NAT9: variants seen among roughly 807,000 people sequenced by gnomAD.
NAT9 encodes N-acetyltransferase 9.
Under a neutral mutation model 24.0 loss-of-function variants are expected in NAT9, and 18 were observed. That is an observed-to-expected ratio of 0.75 (90% CI 0.52 to 1.11). The LOEUF (loss-of-function observed/expected upper bound fraction) is 1.11, where lower values mean the gene tolerates loss of function less well. Ranked by LOEUF, NAT9 falls within the 50% of genes most tolerant of loss-of-function variation. The pLI, the probability that NAT9 is intolerant of heterozygous loss-of-function variation, is 0.00. For missense variants in NAT9, 254 were observed against 258.6 expected (o/e 0.98, Z 0.12); for synonymous variants, 104 against 102.3 (o/e 1.02, Z -0.10).
rs1234937968 is a variant in NAT9 at position 74,774,597 on chromosome 17, C to A, written c.78-909G>T. 3.5e-5 allele frequency among the ~76,000 whole-genome samples: 5 copies of A among 144,540 alleles called. No homozygotes were observed. In the Admixed American group the frequency reaches 3.6e-4, roughly 10 times the overall value. 94.8% of individuals were successfully genotyped at this position (144,540 alleles called of 152,430 possible). ...ACGGAGTCTCGATCTGTCACCCAGG[C>A]TGGAGTGCAGTGGCGCGATCTCGGC... On this transcript the variant is annotated intron_variant, in intron 2 of 6. Transcript: ENST00000357814.
Position 74,770,816 on chromosome 17 carries a change from T to G in NAT9, c.*908A>C, listed in dbSNP as rs2035125392. On this transcript the variant is annotated 3_prime_UTR_variant, in exon 7 of 7. Transcript: ENST00000357814. Reference sequence around the variant, plus strand: ...TAGGAGTCAGAGTGCTCCCCTCAGGTGGAAGGAAACTGGGCCAACTCTACT... The same window carrying G: ...TAGGAGTCAGAGTGCTCCCCTCAGGGGGAAGGAAACTGGGCCAACTCTACT... 1 of 152,008 alleles carries G rather than the reference T, an allele frequency of 6.6e-6. No individual in the cohort carries two copies. Among genetic ancestry groups the G allele is most frequent in the African/African-American group, 2.4e-5 (1 of 41,358 alleles). The allele number at this position is 152,008 out of a possible 1,614,324, so 9.4% of individuals were successfully genotyped here.
In NAT9 at chr17:74,772,384, A is replaced by G. The variant is rs753610901; in HGVS notation, c.335-107T>C. On this transcript the variant is annotated intron_variant, in intron 4 of 6. Coordinates refer to ENST00000357814, the MANE Select transcript of NAT9 (RefSeq NM_015654.5). ...TCTCAACAACTCTGAAGTTGCTACT[A>G]TCATTACCATTCTGCAGACGAGGAA... 25 of 1,487,182 alleles carry G rather than the reference A, an allele frequency of 1.7e-5. 1 individual carries two copies. In the African/African-American group the frequency reaches 3.3e-4, roughly 20 times the overall value. 92.1% of individuals were successfully genotyped at this position (1,487,182 alleles called of 1,614,324 possible).
In NAT9 at chr17:74,772,897, T is replaced by G. The variant is rs2035424308; in HGVS notation, c.333A>C (p.Ala111=). The G allele has an allele frequency of 6.2e-7, 1 of 1,614,016 alleles. No individual in the cohort carries two copies. The highest frequency in any genetic ancestry group is 8.5e-7 in the Non-Finnish European group (1 of 1,179,986). ...AAGGCAGGGCTAGGTGAAACAAACC[T>G]GCAATCATGACCTCGATCTCCCCCA... ...LTLGEIEVMI[A]EPSCRGKGLG... Residue 111 remains alanine (A), a splice_region_variant and synonymous_variant, in exon 4 of 7, where the codon GCA becomes GCC. Transcript: ENST00000357814.
intron 2 of NAT9, among the ~76,000 whole-genome samples, chr17:74,775,101 C>T (rs193280497): frequency 2.1e-5 from 3 of 142,410 alleles, no homozygotes; most frequent in Admixed American, 6.9e-5. Context: ...ATGATCCACC[C>T]GCCTCAGCCT....
intron 3 of NAT9, chr17:74,773,342 T>C: frequency 6.8e-6 from 4 of 592,302 alleles, no homozygotes; most frequent in Non-Finnish European, 1.2e-5. Context: ...GAGCCCCAAA[T>C]GCTCTACTTT....
chr17:74,772,045 G>A lies in NAT9; in HGVS notation c.404C>T (p.Thr135Met), dbSNP rs558132963. The change falls in exon 6 of 7, where the codon ACG becomes ATG. Residue 135 changes from threonine to methionine, a missense_variant. Thr to Met is a moderately conservative substitution (Grantham distance 81). Coordinates refer to ENST00000357814, the MANE Select transcript of NAT9 (RefSeq NM_015654.5). ...VLAMLSYGVT[T>M]LGLTKFEAKI... is the part of the protein sequence containing the mutation. ...AGCCTCAAACTTGGTCAGACCTAGC[G>A]TGGTCACTCCTCGCAGAGGAGATGA... is the stretch of plus-strand genomic sequence containing the variant. 114 of 1,614,186 alleles carry A rather than the reference G, an allele frequency of 7.1e-5. 1 individual carries two copies. In the Middle Eastern group the frequency reaches 1.8e-3, roughly 26 times the overall value.
rs2035921016 is a variant in NAT9 at position 74,775,520 on chromosome 17, A to G, written c.77+102T>C. The G allele has an allele frequency of 2.1e-5, 21 of 1,019,100 alleles. No individual in the cohort carries two copies. In the South Asian group the frequency reaches 3.8e-4, roughly 18 times the overall value. The allele number at this position is 1,019,100 out of a possible 1,614,324, so 63.1% of individuals were successfully genotyped here. A position where few individuals can be genotyped will look rare whatever the true frequency, so the allele number is the denominator to read the frequency against. The stretch of plus-strand genomic sequence containing the variant: ...CCCCCCTCATATATAATTATTTCTC[A>G]CAACCAATGTTTCTTCTTAGGGGAA... On this transcript the variant is annotated intron_variant, in intron 2 of 6. Transcript: ENST00000357814.
At position 74,770,878 on chromosome 17, in the gene NAT9, T is replaced by A. The variant is rs1453754961; in HGVS notation, c.*846A>T. On this transcript the variant is annotated 3_prime_UTR_variant, in exon 7 of 7. Transcript: ENST00000357814. ...AGGGTGCCAGGTAGCCCGGCCACCC[T>A]GAGCCTGTGCCTCCACTGCCCCCGC... 6.6e-6 allele frequency: 1 copy of A among 152,298 alleles called. No homozygotes were observed. Among genetic ancestry groups the A allele is most frequent in the African/African-American group, 2.4e-5 (1 of 41,448 alleles). The allele number at this position is 152,298 out of a possible 1,614,324, so 9.4% of individuals were successfully genotyped here.
intron 4 of NAT9, 88 bp from the exon 5 acceptor site, chr17:74,772,365 C>G: frequency 6.5e-7 from 1 of 1,541,064 alleles, no homozygotes; most frequent in Non-Finnish European, 8.8e-7. Context: ...TAATTCTCAA[C>G]AACTCTGAAG....
Position 74,775,725 on chromosome 17 carries a change from G to A in NAT9, c.-9-18C>T, listed in dbSNP as rs889326719. ...GTAGCAGCCTGCATGCAGATGGGGA[G>A]AGCAAAGACTTCAGGACCCTGAATT... On this transcript the variant is annotated intron_variant, in intron 1 of 6. Transcript: ENST00000357814. 7 of 1,610,214 alleles carry A rather than the reference G, an allele frequency of 4.3e-6. No homozygotes were observed. The highest frequency in any genetic ancestry group is 5.9e-6 in the Non-Finnish European group (7 of 1,176,760).
In NAT9 at chr17:74,775,754, T is replaced by A. The variant is rs149441096; in HGVS notation, c.-9-47A>T. The A allele has an allele frequency of 1.9e-5, 30 of 1,562,848 alleles. No individual in the cohort carries two copies. In the East Asian group the frequency reaches 4.5e-4, roughly 23 times the overall value. On this transcript the variant is annotated intron_variant, in intron 1 of 6. Transcript: ENST00000357814. ...AAAGACTTCAGGACCCTGAATTTCC[T>A]CCAACTTTGGGTAGGCGCTCCAGCT...
Position 74,771,691 on chromosome 17 carries a change from TCA to T in NAT9, c.*31_*32del, listed in dbSNP as rs763557066. The T allele has an allele frequency of 1.9e-4, 300 of 1,612,468 alleles. 1 individual carries two copies. The highest frequency in any genetic ancestry group is 2.3e-4 in the Non-Finnish European group (275 of 1,179,880). On this transcript the variant is annotated 3_prime_UTR_variant, in exon 7 of 7. Coordinates refer to ENST00000357814, the MANE Select transcript of NAT9 (RefSeq NM_015654.5). The stretch of plus-strand genomic sequence containing the variant: ...GAAGTGTATGGGCCCAACACCCTGC[TCA>T]CACAGAGTGGCTGCCCACAAGGCCC...
Position 74,772,968 on chromosome 17 carries a change from C to G in NAT9, c.262G>C (p.Val88Leu). 1.2e-6 allele frequency: 2 copies of G among 1,614,188 alleles called. No individual in the cohort carries two copies. Among genetic ancestry groups the G allele is most frequent in the Non-Finnish European group, 1.7e-6 (2 of 1,180,024 alleles). Residue 88 changes from valine (V) to leucine (L), a missense_variant, in exon 4 of 7, where the codon GTG becomes CTG. Coordinates refer to ENST00000357814, the MANE Select transcript of NAT9 (RefSeq NM_015654.5). ...QPGATEESCM[V>L]GDVNLFLTDL... ...GTGAGGAAGAGGTTCACATCTCCCACCATGCAGCTCTCTTCGGTGGCGCCT... is the reference window on the plus strand; with the variant it reads ...GTGAGGAAGAGGTTCACATCTCCCAGCATGCAGCTCTCTTCGGTGGCGCCT...
In NAT9 at chr17:74,772,886, T is replaced by C; in HGVS notation, c.334+10A>G. On this transcript the variant is annotated intron_variant, in intron 4 of 6. Coordinates refer to ENST00000357814, the MANE Select transcript of NAT9 (RefSeq NM_015654.5). ...GGAGTCAGCGGAAGGCAGGGCTAGG[T>C]GAAACAAACCTGCAATCATGACCTC... 1.2e-6 allele frequency: 2 copies of C among 1,613,834 alleles called. No homozygotes were observed. The highest frequency in any genetic ancestry group is 1.7e-6 in the Non-Finnish European group (2 of 1,179,956).
Position 74,771,435 on chromosome 17 carries a change from C to T in NAT9, c.*289G>A. 1 of 499,268 alleles carries T rather than the reference C, an allele frequency of 2.0e-6. No individual in the cohort carries two copies. 30.9% of individuals were successfully genotyped at this position (499,268 alleles called of 1,614,324 possible). Reference sequence around the variant, plus strand: ...GTCCCCCTGCACCTCCAGCTCCCACCTTCATCCCGACATCTCCCATGGATC... The same window carrying T: ...GTCCCCCTGCACCTCCAGCTCCCACTTTCATCCCGACATCTCCCATGGATC... On this transcript the variant is annotated 3_prime_UTR_variant, in exon 7 of 7. Transcript: ENST00000357814.
rs945084419 is a variant in NAT9 at position 74,772,804 on chromosome 17, CTG to C, written c.334+90_334+91del. Reference sequence around the variant, plus strand: ...ACCACATGGAGCCTCCCAGTGAACCCTGTGAGTGCCCACCCTTTGCAGCCTCG... The same window carrying C: ...ACCACATGGAGCCTCCCAGTGAACCCTGAGTGCCCACCCTTTGCAGCCTCG... On this transcript the variant is annotated intron_variant, in intron 4 of 6. Transcript: ENST00000357814. The C allele has an allele frequency of 3.2e-6, 5 of 1,561,008 alleles. No homozygotes were observed. The African/African-American group carries it at 6.8e-5, about 21-fold the overall frequency.
At position 74,775,642 on chromosome 17, in the gene NAT9, G is replaced by A. The variant is rs768521610; in HGVS notation, c.57C>T (p.Tyr19=). ...GATACCTGGGCACATGCTCCGAGGT[G>A]TAGGGTACAAGGACCACCTTCTTCC... ...LLGKKVVLVP[Y]TSEHVPSRYH... Residue 19 remains tyrosine (Y), a synonymous_variant, in exon 2 of 7, where the codon TAC becomes TAT. Transcript: ENST00000357814. The A allele has an allele frequency of 1.1e-5, 17 of 1,613,958 alleles. No homozygotes were observed. In the Admixed American group the frequency reaches 2.8e-4, roughly 27 times the overall value.
rs2036065357 is a variant in NAT9 at position 74,776,285 on chromosome 17, T to G, written c.-28A>C. 6.6e-6 allele frequency: 1 copy of G among 152,284 alleles called. No homozygotes were observed. Among genetic ancestry groups the G allele is most frequent in the African/African-American group, 2.4e-5 (1 of 41,350 alleles). 9.4% of individuals were successfully genotyped at this position (152,284 alleles called of 1,614,324 possible). A position where few individuals can be genotyped will look rare whatever the true frequency, so the allele number is the denominator to read the frequency against. On this transcript the variant is annotated 5_prime_UTR_variant, in exon 1 of 7. Transcript: ENST00000357814. ...CACCCACCTACCACCGACGAAATCG[T>G]CCCCCGCAGAAAGGGTGATCTACCT...
rs759764974 is a variant in NAT9 at position 74,775,659 on chromosome 17, C to G, written c.40G>C (p.Val14Leu). Residue 14 changes from valine (V) to leucine (L), a missense_variant, in exon 2 of 7, where the codon GTG (valine) becomes CTG (leucine). Physicochemically the swap from Val to Leu is conservative, Grantham distance 32 (BLOSUM62 1). Transcript: ENST00000357814. ...TCCGAGGTGTAGGGTACAAGGACCA[C>G]CTTCTTCCCCAGCAGCAAGGTGTTC... ...NQNTLLLGKK[V>L]VLVPYTSEHV... 1 of 1,614,084 alleles carries G rather than the reference C, an allele frequency of 6.2e-7. No individual in the cohort carries two copies.
Sources: allele counts gnomAD v4.1 joint callset (sites outside exome capture counted in the v4.1 genomes callset), GRCh38; gene constraint gnomAD v4.1.1; transcripts MANE v1.5; gene names NCBI Gene and HGNC (gene_info 2026-07-23, HGNC 2026-07-21).